The following RYR2 variants were observed in gnomAD, a reference collection of about 807,000 sequenced individuals.
The protein encoded by RYR2 is ryanodine receptor 2, also known as cardiac muscle ryanodine receptor-calcium release channel.
In RYR2, 227 loss-of-function variants were observed where a neutral mutation model predicts 601.1. The ratio of observed to expected loss-of-function variants is 0.38; its 90% CI spans 0.34 to 0.42. The LOEUF (loss-of-function observed/expected upper bound fraction) is 0.42. RYR2 is among the 10% of genes least tolerant of loss of function. The pLI, the probability that RYR2 is intolerant of heterozygous loss-of-function variation, is 1.00. For synonymous variants in RYR2, 2,223 were observed against 2,175.1 expected, an observed-to-expected ratio of 1.02 and a Z score of -0.61; for missense variants, 4,646 against 6,156.5, an observed-to-expected ratio of 0.75 and a Z score of 8.21.
intron 1 of RYR2, among the ~76,000 whole-genome samples, chr1:237,248,795 CTT>C (rs1558495868): frequency 2.3e-5 from 3 of 127,662 alleles, no homozygotes; most frequent in South Asian, 2.5e-4. Flanking sequence ...GAGTTTTGCT[CTT>C]GTTTCCCAGG....
chr1:237,608,001 C>T (rs928120439), intron 35 of RYR2, among the ~76,000 whole-genome samples: 1 of 152,088 alleles, frequency 6.6e-6, no homozygotes, highest in African/African-American at 2.4e-5. Context: ...AATATACATA[C>T]GTATGCATAC....
At chr1:237,139,306 G>A (rs909358020) in intron 1 of RYR2, among the ~76,000 whole-genome samples, 1 of 152,216 alleles carries the variant, frequency 6.6e-6, no homozygotes, top group Admixed American at 6.5e-5. Context: ...GGATTCCACT[G>A]ATATGAAATA....
Position 237,441,333 on chromosome 1 carries a change from A to G in RYR2, c.1020A>G (p.Val340=). Residue 340 remains valine, a synonymous_variant, in exon 13 of 105, where the codon GTA becomes GTG. Coordinates refer to ENST00000366574, the MANE Select transcript of RYR2 (RefSeq NM_001035.3). ...TCTCCCCTTAGGAAAAATTGGATGT[A>G]GGGGTGAGAAAAGAAGTAGATGGCA... The part of the protein sequence containing the change: ...TFRSSKEKLD[V]GVRKEVDGMG... 1 of 1,613,568 alleles carries G rather than the reference A, an allele frequency of 6.2e-7. No homozygotes were observed. Among genetic ancestry groups the G allele is most frequent in the Non-Finnish European group, 8.5e-7 (1 of 1,179,636 alleles).
chr1:237,264,200 C>T (rs2149323445), intron 1 of RYR2, among the ~76,000 whole-genome samples: 1 of 152,224 alleles, frequency 6.6e-6, no homozygotes, highest in African/African-American at 2.4e-5. Context: ...GCCACCCCTG[C>T]TATCCCTAAG....
At position 237,614,922 on chromosome 1, in the gene RYR2, C is replaced by CTG. The variant is rs1449505483; in HGVS notation, c.5715+89_5715+90dup. On this transcript the variant is annotated intron_variant, in intron 37 of 104. Transcript: ENST00000366574. This position sits in a 1 kb window ranked among gnomAD's most constrained non-coding sequence, Gnocchi z 4.3. ...TTAGAACATGCCTTTGTTTCTTTCT[C>CTG]TGTGTGTGTGTTTATTTCTTTGCAT... 5 of 1,361,320 alleles carry CTG rather than the reference C, an allele frequency of 3.7e-6. No individual in the cohort carries two copies. The highest frequency in any genetic ancestry group is 4.9e-6 in the Non-Finnish European group (5 of 1,010,418). The allele number at this position is 1,361,320 out of a possible 1,614,324, so 84.3% of individuals were successfully genotyped here. A position where few individuals can be genotyped will look rare whatever the true frequency, so the allele number is the denominator to read the frequency against.
At chr1:237,711,616 C>A in intron 70 of RYR2, 129 bp from the exon 71 acceptor site, 1 of 629,860 alleles carries the variant, frequency 1.6e-6, no homozygotes, top group South Asian at 1.9e-5. Flanking sequence ...ATACTTGTAT[C>A]CTTTTTTGAT....
intron 1 of RYR2, among the ~76,000 whole-genome samples, chr1:237,200,064 C>G (rs973295666): frequency 6.6e-6 from 1 of 152,150 alleles, no homozygotes; most frequent in Non-Finnish European, 1.5e-5. Flanking sequence ...AGGTCTGTTA[C>G]TATCATCACT....
At chr1:237,333,620 A>C (rs1418890585) in intron 3 of RYR2, 1 of 456,040 alleles carries the variant, frequency 2.2e-6, no homozygotes, top group South Asian at 1.5e-5. Context: ...CACCAGCTAG[A>C]TATCATGTCT....
chr1:237,778,342 C>G (rs1290831125), intron 87 of RYR2, among the ~76,000 whole-genome samples: 1 of 147,870 alleles, frequency 6.8e-6, no homozygotes, highest in Non-Finnish European at 1.5e-5. Flanking sequence ...ACTAAATAGC[C>G]AAAGCACCCA....
intron 97 of RYR2, 146 bp downstream of exon 97, chr1:237,798,316 T>C (rs1659521340): frequency 2.8e-6 from 2 of 708,392 alleles, no homozygotes; most frequent in African/African-American, 3.7e-5. Flanking sequence ...AAAGTCTACT[T>C]TTACACTTCT....
At chr1:237,305,007 G>T (rs1173893015) in intron 2 of RYR2, among the ~76,000 whole-genome samples, 1 of 152,164 alleles carries the variant, frequency 6.6e-6, no homozygotes, top group East Asian at 1.9e-4. Flanking sequence ...GCACAACGAG[G>T]TATCATTTCA....
At chr1:237,551,860 G>A (rs1412825657) in intron 27 of RYR2, among the ~76,000 whole-genome samples, 2 of 152,114 alleles carry the variant, frequency 1.3e-5, no homozygotes, top group African/African-American at 4.8e-5. Context: ...TGAGGATGAT[G>A]CTTGTATTAC....
intron 22 of RYR2, among the ~76,000 whole-genome samples, chr1:237,505,703 G>A (rs1178818848): frequency 6.6e-6 from 1 of 152,196 alleles, no homozygotes; most frequent in Non-Finnish European, 1.5e-5. Context: ...AAAGGAAACA[G>A]TTATCACCTG....
intron 17 of RYR2, among the ~76,000 whole-genome samples, chr1:237,478,418 TA>T (rs1661645419): frequency 3.3e-5 from 5 of 152,236 alleles, no homozygotes; most frequent in Non-Finnish European, 7.3e-5. Flanking sequence ...CAAATGTGCT[TA>T]TTAAATTAAA....
rs1188138087 is a variant in RYR2, at chr1:237,106,229, A to G, written c.48+63660A>G. 6.6e-6 allele frequency among the ~76,000 whole-genome samples: 1 copy of G among 152,160 alleles called. No homozygotes were observed. Among genetic ancestry groups the G allele is most frequent in the East Asian group, 1.9e-4 (1 of 5,188 alleles). ...GACCCGTCTGGCCACTGTGTTGAGA[A>G]TAGATGTTCCTGGTAAACAGGGGTG... On this transcript the variant is annotated intron_variant, in intron 1 of 104. Coordinates refer to ENST00000366574, the MANE Select transcript of RYR2 (RefSeq NM_001035.3). The surrounding 1 kb of genome is among the most constrained non-coding windows in gnomAD (Gnocchi z 4.4).
At chr1:237,793,781 T>C (rs1658743578) in intron 94 of RYR2, 86 bp from the exon 95 acceptor site, 8 of 1,037,182 alleles carry the variant, frequency 7.7e-6, no homozygotes, top group Non-Finnish European at 1.1e-5. Flanking sequence ...AATATTTCTT[T>C]CCAAAAGCTG....
At chr1:237,815,877 A>T (rs1367118642) in intron 100 of RYR2, among the ~76,000 whole-genome samples, 1 of 152,154 alleles carries the variant, frequency 6.6e-6, no homozygotes, top group African/African-American at 2.4e-5. Context: ...AAGTTGGCAC[A>T]TTCTCTTCCC....
chr1:237,260,852 G>A (rs898508274), intron 1 of RYR2, among the ~76,000 whole-genome samples: 1 of 152,164 alleles, frequency 6.6e-6, no homozygotes, highest in East Asian at 1.9e-4. Context: ...GATAAACAAT[G>A]TGAATTTTCC....
At chr1:237,814,429 C>T (rs1661568624) in intron 100 of RYR2, among the ~76,000 whole-genome samples, 1 of 152,032 alleles carries the variant, frequency 6.6e-6, no homozygotes, top group Admixed American at 6.5e-5. Flanking sequence ...TTTGTTGTTT[C>T]TGGTTGTTTC....
Sources: gnomAD v4.1 joint callset for allele counts (sites outside exome capture counted in the v4.1 genomes callset) on GRCh38, gnomAD v4.1.1 for gene constraint, Gnocchi (gnomAD v3.1) non-coding constraint, MANE v1.5 for transcripts, NCBI Gene and HGNC (gene_info 2026-07-23, HGNC 2026-07-21) for gene names.